OLFML2B: variants seen among roughly 807,000 people sequenced by gnomAD.
OLFML2B encodes the protein olfactomedin-like protein 2B.
Under a neutral mutation model 74.9 loss-of-function variants are expected in OLFML2B, and 57 were observed. That is an observed-to-expected ratio of 0.76 (90% CI 0.61 to 0.95). The LOEUF (loss-of-function observed/expected upper bound fraction) is 0.95, where lower values mean the gene tolerates loss of function less well. Ranked by LOEUF, OLFML2B falls within the 40% of genes least tolerant of loss-of-function variation. The pLI, the probability that OLFML2B is intolerant of heterozygous loss-of-function variation, is 0.00. For missense variants in OLFML2B, 986 were observed against 970.6 expected, an observed-to-expected ratio of 1.02 and a Z score of -0.21; for synonymous variants, 388 against 405.8, an observed-to-expected ratio of 0.96 and a Z score of 0.53.
chr1:162,018,052 G>A (rs567126860), intron 2 of OLFML2B, among the ~76,000 whole-genome samples: 134 of 152,276 alleles, frequency 8.8e-4, no homozygotes, highest in African/African-American at 3.1e-3. Flanking sequence ...AATACCACAT[G>A]TTCTCACTTA....
intron 4 of OLFML2B, among the ~76,000 whole-genome samples, chr1:162,005,678 G>A (rs1443127420): frequency 6.6e-6 from 1 of 152,096 alleles, no homozygotes; most frequent in Non-Finnish European, 1.5e-5. Flanking sequence ...GATTGCTTGT[G>A]GCCAGGAGTT....
chr1:162,020,868 G>T (rs1208960231), intron 1 of OLFML2B, among the ~76,000 whole-genome samples: 1 of 152,232 alleles, frequency 6.6e-6, no homozygotes, highest in African/African-American at 2.4e-5. Context: ...AGATTGAAAA[G>T]TTGGTATTCA....
At chr1:162,009,720 G>T (rs1362009032) in intron 3 of OLFML2B, among the ~76,000 whole-genome samples, 3 of 152,192 alleles carry the variant, frequency 2.0e-5, no homozygotes, top group African/African-American at 4.8e-5. Flanking sequence ...TCAGCCAGCT[G>T]GTGTCCCCCA....
Position 162,000,129 on chromosome 1 carries a change from A to G in OLFML2B, c.933T>C (p.Asn311=), listed in dbSNP as rs1172862211. The G allele has an allele frequency of 1.4e-5, 22 of 1,599,796 alleles. No individual in the cohort carries two copies. The highest frequency in any genetic ancestry group is 1.9e-5 in the Non-Finnish European group (22 of 1,169,692). The change falls in exon 5 of 8, where the codon AAT becomes AAC. Residue 311 remains asparagine, a synonymous_variant. Transcript: ENST00000294794. ...CCAACTCACGCTGCTCTTCAATGTC[A>G]TTCTCTTCTTCAGAGACCTTGGCTT... The part of the protein sequence containing the change: ...YYKAKVSEEE[N]DIEEQQDEFF...
At chr1:162,020,242 A>C (rs2101981574) in intron 1 of OLFML2B, 60 bp from the exon 2 acceptor site, 1 of 1,579,100 alleles carries the variant, frequency 6.3e-7, no homozygotes, top group East Asian at 2.2e-5. Flanking sequence ...AGCCTCCAGA[A>C]GGAGGCTCTC....
chr1:161,992,866 G>A (rs546249417), intron 6 of OLFML2B, among the ~76,000 whole-genome samples: 4 of 152,180 alleles, frequency 2.6e-5, no homozygotes, highest in Non-Finnish European at 5.9e-5. Context: ...TTGAGATATT[G>A]CAAGAATTAC....
intron 3 of OLFML2B, among the ~76,000 whole-genome samples, chr1:162,015,389 C>T (rs562964027): frequency 6.6e-6 from 1 of 152,294 alleles, no homozygotes; most frequent in South Asian, 2.1e-4. Flanking sequence ...CTGGCCTTCT[C>T]AGAGGCTGAG....
rs553495510 is a variant in OLFML2B, at chr1:162,009,066, C to T, written c.547-2593G>A. Among the ~76,000 whole-genome samples, 5 of 152,286 alleles carry T rather than the reference C, an allele frequency of 3.3e-5. No homozygotes were observed. The East Asian group carries it at 9.6e-4, about 29-fold the overall frequency. On this transcript the variant is annotated intron_variant, in intron 3 of 7. Coordinates refer to ENST00000294794, the MANE Select transcript of OLFML2B (RefSeq NM_015441.3). ...AGGCGTTCACGTGCTCAGTGCTGCA[C>T]TGAGGGTTCAAGCGTGAGCAAGGCC...
intron 3 of OLFML2B, among the ~76,000 whole-genome samples, chr1:162,014,559 C>G (rs1690479192): frequency 6.6e-6 from 1 of 152,208 alleles, no homozygotes. Context: ...ATTCAAGGAC[C>G]AGGAGCAGAA....
At chr1:162,015,576 A>G (rs1690505444) in intron 3 of OLFML2B, among the ~76,000 whole-genome samples, 1 of 152,234 alleles carries the variant, frequency 6.6e-6, no homozygotes, top group Admixed American at 6.5e-5. Context: ...GGCATTGCAC[A>G]TTTGGATGGT....
Position 161,998,213 on chromosome 1 carries a change from G to A in OLFML2B, c.1086C>T (p.Ser362=), listed in dbSNP as rs768981145. 4.1e-5 allele frequency: 66 copies of A among 1,613,876 alleles called. 1 individual carries two copies. The highest frequency in any genetic ancestry group is 8.9e-5 in the East Asian group (4 of 44,892). ...AGGGTGCGGTCCGAGCGTTCAGGTC[G>A]CTTGTCACAGCAGTGCTGTGTCCCT... ...TRQGHSTAVT[S]DLNARTAPWS... Residue 362 remains serine (S), a synonymous_variant, in exon 6 of 8, where the codon AGC becomes AGT. Transcript: ENST00000294794.
At chr1:161,988,442 C>T (rs1188764158) in intron 6 of OLFML2B, among the ~76,000 whole-genome samples, 2 of 152,144 alleles carry the variant, frequency 1.3e-5, no homozygotes, top group Admixed American at 6.5e-5. Context: ...TCAGCAATGC[C>T]TCTCAGCCCC....
intron 7 of OLFML2B, among the ~76,000 whole-genome samples, chr1:161,984,588 A>C (rs776541208): frequency 7.9e-5 from 12 of 152,094 alleles, no homozygotes; most frequent in Non-Finnish European, 1.3e-4. Context: ...AGGTTTTTCC[A>C]TGTCCCAGGA....
Position 161,983,906 on chromosome 1 carries a change from G to A in OLFML2B, c.2022C>T (p.Gly674=), listed in dbSNP as rs1488497039. ...WRTGLRRNFY[G]NCFVICGVLY... ...GCACCCCACAGATGACGAAGCAGTT[G>A]CCGTAGAAATTCCTCCGGAGCCCCG... Residue 674 remains glycine (G), a synonymous_variant, in exon 8 of 8, where the codon GGC becomes GGT. Coordinates refer to ENST00000294794, the MANE Select transcript of OLFML2B (RefSeq NM_015441.3). 2 of 1,614,232 alleles carry A rather than the reference G, an allele frequency of 1.2e-6. No individual in the cohort carries two copies. The highest frequency in any genetic ancestry group is 1.1e-5 in the South Asian group (1 of 91,084).
chr1:162,021,019 T>C (rs1394589917), intron 1 of OLFML2B, among the ~76,000 whole-genome samples: 1 of 152,002 alleles, frequency 6.6e-6, no homozygotes, highest in Non-Finnish European at 1.5e-5. Context: ...GCAGGAGGCA[T>C]AGAAATAGCA....
At chr1:162,007,471 A>T (rs1690267100) in intron 3 of OLFML2B, among the ~76,000 whole-genome samples, 1 of 152,110 alleles carries the variant, frequency 6.6e-6, no homozygotes, top group South Asian at 2.1e-4. Context: ...CTATATTGAG[A>T]TCCAACTTTG....
chr1:162,013,850 T>C (rs1690458589), intron 3 of OLFML2B, among the ~76,000 whole-genome samples: 1 of 146,904 alleles, frequency 6.8e-6, no homozygotes, highest in Non-Finnish European at 1.5e-5. Context: ...AAAAACAACA[T>C]AGGTAAATAT....
intron 1 of OLFML2B, among the ~76,000 whole-genome samples, chr1:162,022,260 T>TTTTTTTTTTTTTTTC (rs1460566719): frequency 8.6e-5 from 11 of 127,818 alleles, no homozygotes; most frequent in Admixed American, 3.8e-4. Flanking sequence ...TTTTTTTTTT[T>TTTTTTTTTTTTTTTC]TTTTTTTTGA....
intron 7 of OLFML2B, 143 bp downstream of exon 7, chr1:161,984,661 T>C (rs1689535256): frequency 1.2e-6 from 1 of 858,378 alleles, no homozygotes; most frequent in African/African-American, 1.7e-5. Context: ...GGGGGACCGC[T>C]CTCCAAGGAA....
Sources: allele counts gnomAD v4.1 joint callset (sites outside exome capture counted in the v4.1 genomes callset), GRCh38; gene constraint gnomAD v4.1.1; transcripts MANE v1.5; gene names NCBI Gene and HGNC (gene_info 2026-07-23, HGNC 2026-07-21).